MVB12B: variants seen among roughly 807,000 people sequenced by gnomAD.
The protein encoded by MVB12B is multivesicular body subunit 12B, also known as ESCRT-I complex subunit MVB12B.
A neutral mutation model predicts 41.6 loss-of-function variants in MVB12B; 16 were observed. That is an observed-to-expected ratio of 0.38 (90% CI 0.26 to 0.58). MVB12B has a LOEUF of 0.58. Ranked by LOEUF, MVB12B falls within the 20% of genes least tolerant of loss-of-function variation. The pLI, the probability that MVB12B is intolerant of heterozygous loss-of-function variation, is 0.62. For synonymous variants in MVB12B, 133 were observed against 139.7 expected, an observed-to-expected ratio of 0.95 and a Z score of 0.34; for missense variants, 274 against 380.2, an observed-to-expected ratio of 0.72 and a Z score of 2.32.
chr9:126,441,377 T>C (rs911816627), intron 7 of MVB12B, among the ~76,000 whole-genome samples: 2 of 152,216 alleles, frequency 1.3e-5, no homozygotes, highest in Non-Finnish European at 2.9e-5. Context: ...CTGTGTACTT[T>C]ATAAGGGGAA....
At chr9:126,408,098 G>T (rs896227271) in intron 6 of MVB12B, 2 of 152,174 alleles carry the variant, frequency 1.3e-5, no homozygotes, top group Non-Finnish European at 2.9e-5. Context: ...TCTTTCGGTG[G>T]AAACTTACAG....
At chr9:126,327,313 G>A in intron 1 of MVB12B, 1 of 985,350 alleles carries the variant, frequency 1.0e-6, no homozygotes, top group Middle Eastern at 5.2e-4. Flanking sequence ...GGCGCCGAGA[G>A]CCACCTCTGC....
At chr9:126,361,993 A>G (rs1830043157) in intron 2 of MVB12B, among the ~76,000 whole-genome samples, 1 of 150,680 alleles carries the variant, frequency 6.6e-6, no homozygotes, top group Non-Finnish European at 1.5e-5. Context: ...TGTCATTCTT[A>G]CATTTGTTTC....
intron 3 of MVB12B, among the ~76,000 whole-genome samples, chr9:126,385,221 C>T (rs551338363): frequency 6.6e-6 from 1 of 152,120 alleles, no homozygotes; most frequent in African/African-American, 2.4e-5. Flanking sequence ...TACTGAGCAC[C>T]TGCTGTGTGG....
At chr9:126,453,218 A>G (rs1832915850) in intron 7 of MVB12B, among the ~76,000 whole-genome samples, 1 of 152,240 alleles carries the variant, frequency 6.6e-6, no homozygotes, top group Non-Finnish European at 1.5e-5. Flanking sequence ...TTTTTGCCAG[A>G]AAACCCCACA....
chr9:126,361,718 G>A (rs1830034261), intron 2 of MVB12B, among the ~76,000 whole-genome samples: 1 of 151,980 alleles, frequency 6.6e-6, no homozygotes, highest in African/African-American at 2.4e-5. Flanking sequence ...AATCTAAGTT[G>A]GCATTTTCTT....
rs1354075226 is a variant in MVB12B at position 126,494,869 on chromosome 9, C to G, written c.874-8308C>G. On this transcript the variant is annotated intron_variant, in intron 9 of 9. Coordinates refer to ENST00000361171, the MANE Select transcript of MVB12B (RefSeq NM_033446.3). ...GACTCAGTGACCAGGGAGCACCCCA[C>G]CCCCCCCCAGGGTTGTTTGCAGACA... Among the ~76,000 whole-genome samples, 4 of 121,642 alleles carry G rather than the reference C, an allele frequency of 3.3e-5. No individual in the cohort carries two copies. The South Asian group carries it at 7.4e-4, about 23-fold the overall frequency. The allele number at this position is 121,642 out of a possible 152,430, so 79.8% of individuals were successfully genotyped here. A position where few individuals can be genotyped will look rare whatever the true frequency, so the allele number is the denominator to read the frequency against.
Position 126,386,034 on chromosome 9 carries a change from G to A in MVB12B, c.313-528G>A, listed in dbSNP as rs1031188713. ...AAGATGTGTAATATTGAGGCAGCAG[G>A]GCTTTCACTCTGTATTAGTGTATGA... On this transcript the variant is annotated intron_variant, in intron 3 of 9. Transcript: ENST00000361171. This position sits in a 1 kb window ranked among gnomAD's most constrained non-coding sequence, Gnocchi z 4.3. Among the ~76,000 whole-genome samples, 10 of 152,148 alleles carry A rather than the reference G, an allele frequency of 6.6e-5. No homozygotes were observed.
chr9:126,493,390 GCT>G (rs1833773969), intron 9 of MVB12B, among the ~76,000 whole-genome samples: 1 of 152,046 alleles, frequency 6.6e-6, no homozygotes, highest in Non-Finnish European at 1.5e-5. Context: ...ATTCCGTTCT[GCT>G]CTGTTATTCT....
chr9:126,478,349 TC>T lies in MVB12B; in HGVS notation c.758-3016del, dbSNP rs1359940364. 6.6e-6 allele frequency among the ~76,000 whole-genome samples: 1 copy of T among 151,806 alleles called. No homozygotes were observed. The highest frequency in any genetic ancestry group is 2.4e-5 in the African/African-American group (1 of 41,276). ...GGAGCCCTCTACCCAGTTCCCCAGA[TC>T]CCCGTGCATGGGAACAGCAGCCCTC... On this transcript the variant is annotated intron_variant, in intron 7 of 9. Transcript: ENST00000361171. This position sits in a 1 kb window ranked among gnomAD's most constrained non-coding sequence, Gnocchi z 4.2.
intron 7 of MVB12B, among the ~76,000 whole-genome samples, chr9:126,461,273 A>G (rs1420527399): frequency 6.6e-6 from 1 of 152,184 alleles, no homozygotes; most frequent in Non-Finnish European, 1.5e-5. Flanking sequence ...TTCTACGGGG[A>G]TTGCTCTCTG....
At position 126,417,984 on chromosome 9, in the gene MVB12B, G is replaced by A. The variant is rs895654730; in HGVS notation, c.663-3870G>A. Among the ~76,000 whole-genome samples, 48 of 152,200 alleles carry A rather than the reference G, an allele frequency of 3.2e-4. 1 individual carries two copies. The highest frequency in any genetic ancestry group is 2.9e-3 in the Admixed American group (45 of 15,288). On this transcript the variant is annotated intron_variant, in intron 6 of 9. Transcript: ENST00000361171. Reference sequence around the variant, plus strand: ...GCATGAGAAAAACAAGGCCTGTTCAGAGATTAACAAGACTTCCACTCTTTC... The same window carrying A: ...GCATGAGAAAAACAAGGCCTGTTCAAAGATTAACAAGACTTCCACTCTTTC...
intron 7 of MVB12B, among the ~76,000 whole-genome samples, chr9:126,450,065 C>G (rs1832861016): frequency 6.6e-6 from 1 of 152,246 alleles, no homozygotes; most frequent in Non-Finnish European, 1.5e-5. Flanking sequence ...CCTTGGCCTC[C>G]TCACATCTAA....
At chr9:126,397,459 T>C in intron 6 of MVB12B, 1 of 985,462 alleles carries the variant, frequency 1.0e-6, no homozygotes, top group Non-Finnish European at 1.2e-6. Flanking sequence ...GTACAGTTTA[T>C]GGTTTACAAT....
chr9:126,389,184 G>C lies in MVB12B; in HGVS notation c.409+2526G>C, dbSNP rs1231039095. On this transcript the variant is annotated intron_variant, in intron 4 of 9. Coordinates refer to ENST00000361171, the MANE Select transcript of MVB12B (RefSeq NM_033446.3). This position sits in a 1 kb window ranked among gnomAD's most constrained non-coding sequence, Gnocchi z 4.4. Reference sequence around the variant, plus strand: ...TCCTGGGCCCAATGCCAGGTGCCTTGTCACACAGGAGGGTGGGCAGCAGGG... The same window carrying C: ...TCCTGGGCCCAATGCCAGGTGCCTTCTCACACAGGAGGGTGGGCAGCAGGG... 6.6e-6 allele frequency among the ~76,000 whole-genome samples: 1 copy of C among 152,176 alleles called. No homozygotes were observed. The highest frequency in any genetic ancestry group is 1.5e-5 in the Non-Finnish European group (1 of 68,028).
chr9:126,369,164 T>G (rs139956278), intron 2 of MVB12B, among the ~76,000 whole-genome samples: 2 of 152,226 alleles, frequency 1.3e-5, no homozygotes, highest in African/African-American at 4.8e-5. Flanking sequence ...GATGAACATT[T>G]TGAAAAAATT....
intron 2 of MVB12B, among the ~76,000 whole-genome samples, chr9:126,346,394 G>A (rs1365128468): frequency 1.3e-5 from 2 of 152,146 alleles, no homozygotes; most frequent in Non-Finnish European, 2.9e-5. Context: ...AGGGAGGAAG[G>A]GGAAGGATGA....
intron 6 of MVB12B, chr9:126,396,901 C>T (rs1008893421): frequency 1.4e-5 from 14 of 985,376 alleles, no homozygotes; most frequent in East Asian, 1.1e-4. Flanking sequence ...GTGTGAGGTT[C>T]GCACTGCCCA....
chr9:126,327,999 A>G (rs1287647363), intron 1 of MVB12B, among the ~76,000 whole-genome samples: 1 of 152,176 alleles, frequency 6.6e-6, no homozygotes, highest in Admixed American at 6.5e-5. Flanking sequence ...CTCATTGTAC[A>G]TTTCTCGACA....
Sources: gnomAD v4.1 joint callset for allele counts (sites outside exome capture counted in the v4.1 genomes callset) on GRCh38, gnomAD v4.1.1 for gene constraint, Gnocchi (gnomAD v3.1) non-coding constraint, MANE v1.5 for transcripts, NCBI Gene and HGNC (gene_info 2026-07-23, HGNC 2026-07-21) for gene names.